Variants in GRID2 observed in about 807,000 individuals in gnomAD.
GRID2 encodes the protein glutamate receptor ionotropic, delta-2.
A neutral mutation model predicts 114.8 loss-of-function variants in GRID2; 33 were observed. The ratio of observed to expected loss-of-function variants is 0.29; its 90% CI spans 0.22 to 0.38. The LOEUF (loss-of-function observed/expected upper bound fraction) is 0.38, where lower values mean the gene tolerates loss of function less well. Among genes scored for constraint, GRID2 ranks in the 10% least tolerant of loss-of-function variants. The probability of loss-of-function intolerance (pLI) is 1.00; values close to 1 mark genes in which losing one functional copy is unlikely to be tolerated. For synonymous variants in GRID2, 505 were observed against 449.9 expected (o/e 1.12, Z -1.55); for missense variants, 1,184 against 1,257.7 (o/e 0.94, Z 0.89).
intron 2 of GRID2, among the ~76,000 whole-genome samples, chr4:92,618,537 C>A (rs1378965613): frequency 1.3e-5 from 2 of 151,614 alleles, no homozygotes; most frequent in African/African-American, 2.4e-5. Flanking sequence ...TTTTCCAATT[C>A]TGTGAAGAAT....
At chr4:92,975,414 A>T (rs1753809796) in intron 2 of GRID2, among the ~76,000 whole-genome samples, 1 of 151,970 alleles carries the variant, frequency 6.6e-6, no homozygotes. Context: ...TTGAAGAGAG[A>T]GTTGCAATTT....
intron 2 of GRID2, among the ~76,000 whole-genome samples, chr4:92,779,522 A>G (rs1366250383): frequency 6.6e-6 from 1 of 152,116 alleles, no homozygotes. Context: ...AGAAGTGAGC[A>G]TTCCTAAATT....
chr4:92,787,745 A>G (rs1219864755), intron 2 of GRID2, among the ~76,000 whole-genome samples: 1 of 151,928 alleles, frequency 6.6e-6, no homozygotes, highest in Admixed American at 6.6e-5. Context: ...CAAATGAAGA[A>G]AGCAAAGTTA....
intron 8 of GRID2, among the ~76,000 whole-genome samples, chr4:93,339,997 G>T (rs1165870908): frequency 2.6e-5 from 4 of 152,098 alleles, no homozygotes; most frequent in Non-Finnish European, 4.4e-5. Flanking sequence ...TGACAAGTGG[G>T]GATTATGGGT....
At chr4:93,549,631 G>T (rs763302091) in intron 13 of GRID2, among the ~76,000 whole-genome samples, 1 of 152,108 alleles carries the variant, frequency 6.6e-6, no homozygotes, top group Non-Finnish European at 1.5e-5. Flanking sequence ...AAATTTGACT[G>T]AGGATAAACA....
At chr4:93,802,837 T>C (rs949099659) in intron 1 of GRID2, among the ~76,000 whole-genome samples, 2 of 152,232 alleles carry the variant, frequency 1.3e-5, no homozygotes, top group African/African-American at 2.4e-5. Flanking sequence ...GGAAATGTTT[T>C]CTAAATCTAT....
intron 13 of GRID2, among the ~76,000 whole-genome samples, chr4:93,555,899 C>T (rs1299486641): frequency 2.0e-5 from 3 of 152,186 alleles, no homozygotes; most frequent in Non-Finnish European, 4.4e-5. Flanking sequence ...GACAAAGCTT[C>T]CAGAGGAAGG....
In GRID2 at chr4:93,248,101, A is replaced by C. The variant is rs895577813; in HGVS notation, c.1245+9611A>C. Among the ~76,000 whole-genome samples, 10 of 152,180 alleles carry C rather than the reference A, an allele frequency of 6.6e-5. No individual in the cohort carries two copies. The East Asian group carries it at 1.9e-3, about 29-fold the overall frequency. ...ATCTAACAGATACACACACACACACACACCAGTGAAGCTCCAGTCCAGCTC... is the reference window on the plus strand; with the variant it reads ...ATCTAACAGATACACACACACACACCCACCAGTGAAGCTCCAGTCCAGCTC... On this transcript the variant is annotated intron_variant, in intron 8 of 15. Coordinates refer to ENST00000282020, the MANE Select transcript of GRID2 (RefSeq NM_001510.4).
At chr4:93,682,964 A>G (rs1244439680) in intron 14 of GRID2, among the ~76,000 whole-genome samples, 1 of 151,394 alleles carries the variant, frequency 6.6e-6, no homozygotes, top group East Asian at 1.9e-4. Context: ...AAAGAAAAAC[A>G]CCCGTATCTG....
intron 1 of GRID2, among the ~76,000 whole-genome samples, chr4:93,803,373 C>T (rs569091230): frequency 3.1e-4 from 47 of 152,272 alleles, no homozygotes; most frequent in African/African-American, 1.1e-3. Flanking sequence ...AAATTAAGCA[C>T]GAGTACCAAT....
rs1392831115 is a variant in GRID2 at position 93,433,970 on chromosome 4, TTCTC to T, written c.1545+11005_1545+11008del. On this transcript the variant is annotated intron_variant, in intron 10 of 15. Coordinates refer to ENST00000282020, the MANE Select transcript of GRID2 (RefSeq NM_001510.4). Reference sequence around the variant, plus strand: ...ATTCAACCTCAAAATCCTTCCATGATTCTCTCATCTTTAGTGACATCAAAGGCAT... The same window carrying T: ...ATTCAACCTCAAAATCCTTCCATGATTCATCTTTAGTGACATCAAAGGCAT... Among the ~76,000 whole-genome samples the T allele has an allele frequency of 1.2e-4, 18 of 152,178 alleles. 1 individual carries two copies. The highest frequency in any genetic ancestry group is 2.9e-5 in the Non-Finnish European group (2 of 68,034).
chr4:92,448,436 G>A (rs991197247), intron 1 of GRID2, among the ~76,000 whole-genome samples: 12 of 151,984 alleles, frequency 7.9e-5, no homozygotes, highest in African/African-American at 2.2e-4. Context: ...CAAAGTGCTG[G>A]AATTACAGGC....
At chr4:93,503,973 T>G (rs1267935507) in intron 12 of GRID2, among the ~76,000 whole-genome samples, 1 of 152,100 alleles carries the variant, frequency 6.6e-6, no homozygotes, top group African/African-American at 2.4e-5. Flanking sequence ...GGATTTTTGG[T>G]TTTTGTCATA....
chr4:92,438,002 T>G (rs185534921), intron 1 of GRID2, among the ~76,000 whole-genome samples: 1 of 152,352 alleles, frequency 6.6e-6, no homozygotes, highest in East Asian at 1.9e-4. Flanking sequence ...TTTTCTGATT[T>G]TATTCATTGG....
At chr4:92,636,085 T>A (rs894267972) in intron 2 of GRID2, among the ~76,000 whole-genome samples, 1 of 152,106 alleles carries the variant, frequency 6.6e-6, no homozygotes, top group African/African-American at 2.4e-5. Context: ...GATTGTAGGA[T>A]GACTGCATAT....
At chr4:93,793,975 T>C (rs138555556) in intron 1 of GRID2, among the ~76,000 whole-genome samples, 1,679 of 152,122 alleles carry the variant, frequency 0.011, 30 homozygotes, top group African/African-American at 0.038. Context: ...CCTAAACTAA[T>C]GTGGAATTGT....
At chr4:92,847,944 T>C (rs1207425315) in intron 2 of GRID2, among the ~76,000 whole-genome samples, 2 of 152,068 alleles carry the variant, frequency 1.3e-5, no homozygotes, top group Admixed American at 1.3e-4. Context: ...ATATAATAGA[T>C]ATATGCCTTT....
intron 8 of GRID2, among the ~76,000 whole-genome samples, chr4:93,291,412 C>T (rs1443152915): frequency 6.6e-6 from 1 of 152,152 alleles, no homozygotes; most frequent in Non-Finnish European, 1.5e-5. Flanking sequence ...ATGAGGAAAG[C>T]AGTAGGACTT....
At chr4:93,535,035 G>A (rs1199957552) in intron 13 of GRID2, among the ~76,000 whole-genome samples, 3 of 151,714 alleles carry the variant, frequency 2.0e-5, no homozygotes, top group Non-Finnish European at 4.4e-5. Context: ...CTCCACCCCA[G>A]GCTCTGGTAA....
Sources: gnomAD v4.1 joint callset for allele counts (sites outside exome capture counted in the v4.1 genomes callset) on GRCh38, gnomAD v4.1.1 for gene constraint, MANE v1.5 for transcripts, NCBI Gene and HGNC (gene_info 2026-07-23, HGNC 2026-07-21) for gene names.